Variants in TBC1D19 observed in about 807,000 individuals in gnomAD.
TBC1D19 encodes TBC1 domain family, member 19.
In TBC1D19, 60 loss-of-function variants were observed where a neutral mutation model predicts 89.0. The observed-to-expected ratio is 0.67, with a 90% CI of 0.55 to 0.84. The LOEUF (loss-of-function observed/expected upper bound fraction) is 0.84, where lower values mean the gene tolerates loss of function less well. TBC1D19 is among the 40% of genes least tolerant of loss of function. The pLI is 0.00. For missense variants in TBC1D19, 500 were observed against 610.8 expected (o/e 0.82, Z 1.91); for synonymous variants, 189 against 199.7 (o/e 0.95, Z 0.45).
At chr4:26,842,330 CTTTTCTTTTCTTTTTT>C in the TBC1D19 span, among the ~76,000 whole-genome samples, 113 of 91,612 alleles carry the variant, frequency 1.2e-3, no homozygotes, top group Admixed American at 3.0e-3. Context: ...TTTTTCTTTT[CTTTTCTTTTCTTTTTT>C]TTTTTTTTTT....
the TBC1D19 span, among the ~76,000 whole-genome samples, chr4:26,842,639 T>TCTTTCTTC: frequency 2.7e-4 from 40 of 147,444 alleles, no homozygotes; most frequent in African/African-American, 9.7e-4. Flanking sequence ...TTTCTTTCTT[T>TCTTTCTTC]CTTTCTTTTT....
chr4:26,585,124 T>G, intron 1 of TBC1D19: 1 of 431,566 alleles, frequency 2.3e-6, no homozygotes, highest in South Asian at 1.7e-5. Context: ...CGATTTTGCT[T>G]GGATATTTGT....
chr4:26,657,033 C>CTCCT (rs1440150054), intron 7 of TBC1D19, among the ~76,000 whole-genome samples: 15 of 108,376 alleles, frequency 1.4e-4, no homozygotes, highest in African/African-American at 4.6e-4. Context: ...CCTTCTCCTT[C>CTCCT]TCTCTTTCTT....
intron 1 of TBC1D19, among the ~76,000 whole-genome samples, chr4:26,590,436 A>T (rs1739695756): frequency 6.6e-6 from 1 of 152,186 alleles, no homozygotes; most frequent in Admixed American, 6.5e-5. Flanking sequence ...CACGTTTTAT[A>T]TCAAGGTTAT....
chr4:26,720,172 C>T (rs1016599887), intron 15 of TBC1D19, 47 bp downstream of exon 15: 1 of 1,425,358 alleles, frequency 7.0e-7, no homozygotes, highest in Middle Eastern at 1.9e-4. Context: ...GAAAAAATTA[C>T]AACTTTTATA....
At chr4:26,850,646 C>T in the TBC1D19 span, among the ~76,000 whole-genome samples, 1 of 151,858 alleles carries the variant, frequency 6.6e-6, no homozygotes, top group South Asian at 2.1e-4. Flanking sequence ...CATCTACAAG[C>T]CCAGGAGAGA....
Position 26,584,112 on chromosome 4 carries a change from C to T in TBC1D19, c.-82C>T, listed in dbSNP as rs1739255682. On this transcript the variant is annotated 5_prime_UTR_variant, in exon 1 of 21. Coordinates refer to ENST00000264866, the MANE Select transcript of TBC1D19 (RefSeq NM_018317.4). The stretch of plus-strand genomic sequence containing the variant: ...GTAATAAGGTCCCGGAGAAGTGTCA[C>T]TGGCCCTGAGTGGGACCCGGTAGCC... The T allele has an allele frequency of 7.2e-7, 1 of 1,389,940 alleles. No individual in the cohort carries two copies. Among genetic ancestry groups the T allele is most frequent in the East Asian group, 2.4e-5 (1 of 41,516 alleles). 86.1% of individuals were successfully genotyped at this position (1,389,940 alleles called of 1,614,324 possible).
intron 4 of TBC1D19, among the ~76,000 whole-genome samples, chr4:26,627,797 G>C (rs1447023339): frequency 6.6e-6 from 1 of 152,138 alleles, no homozygotes; most frequent in Admixed American, 6.6e-5. Context: ...CTCTTTGTCA[G>C]ATGAGTAGGT....
the TBC1D19 span, among the ~76,000 whole-genome samples, chr4:26,806,259 A>T: frequency 6.6e-6 from 1 of 152,146 alleles, no homozygotes; most frequent in Admixed American, 6.5e-5. Flanking sequence ...TCCTCAGAAG[A>T]GCCTGCCCTG....
chr4:26,817,631 A>C, the TBC1D19 span, among the ~76,000 whole-genome samples: 1 of 152,052 alleles, frequency 6.6e-6, no homozygotes, highest in African/African-American at 2.4e-5. Flanking sequence ...GCTGAATTTC[A>C]CTCATTTTCT....
intron 4 of TBC1D19, among the ~76,000 whole-genome samples, chr4:26,625,892 A>G (rs1272742069): frequency 6.6e-6 from 1 of 152,104 alleles, no homozygotes; most frequent in Non-Finnish European, 1.5e-5. Flanking sequence ...TGACTGAGGT[A>G]GTATTTGTGA....
At chr4:26,593,167 G>C (rs1200896846) in intron 1 of TBC1D19, among the ~76,000 whole-genome samples, 4 of 151,958 alleles carry the variant, frequency 2.6e-5, no homozygotes, top group East Asian at 3.8e-4. Context: ...CAGAACAGAG[G>C]CCTCAGAAAT....
chr4:26,749,447 TG>T lies in TBC1D19; in HGVS notation c.1435+922del, dbSNP rs1403764459. On this transcript the variant is annotated intron_variant, in intron 19 of 20. Transcript: ENST00000264866. ...AGGTATCATATTAACATATTCGGGT[TG>T]TTTTTTTTTTTTTTTTTTGAGACAC... Among the ~76,000 whole-genome samples, 62 of 66,086 alleles carry T rather than the reference TG, an allele frequency of 9.4e-4. 1 individual carries two copies. Among genetic ancestry groups the T allele is most frequent in the East Asian group, 4.1e-3 (8 of 1,968 alleles). The allele number at this position is 66,086 out of a possible 152,430, so 43.4% of individuals were successfully genotyped here.
At chr4:26,692,645 T>G (rs4352465) in intron 13 of TBC1D19, among the ~76,000 whole-genome samples, 149,058 of 152,272 alleles carry the variant, frequency 0.98, 73,028 homozygotes, top group South Asian at 1. Context: ...ACCTAATGGG[T>G]CTCTGAACAA....
the TBC1D19 span, among the ~76,000 whole-genome samples, chr4:26,834,851 A>T: frequency 6.6e-6 from 1 of 152,118 alleles, no homozygotes; most frequent in African/African-American, 2.4e-5. Flanking sequence ...TCACATTTAG[A>T]TGGTCAAGCA....
At chr4:26,780,096 C>A in the TBC1D19 span, among the ~76,000 whole-genome samples, 1 of 152,188 alleles carries the variant, frequency 6.6e-6, no homozygotes, top group Admixed American at 6.5e-5. Context: ...CAAAAGTTAA[C>A]CTCTACAGAA....
chr4:26,585,433 T>A (rs985149403), intron 1 of TBC1D19, among the ~76,000 whole-genome samples: 6 of 152,186 alleles, frequency 3.9e-5, no homozygotes, highest in Non-Finnish European at 8.8e-5. Context: ...TCTTATGTGC[T>A]TATATCTTTT....
At chr4:26,641,811 C>A (rs931524335) in intron 7 of TBC1D19, among the ~76,000 whole-genome samples, 5 of 151,872 alleles carry the variant, frequency 3.3e-5, no homozygotes, top group Non-Finnish European at 7.4e-5. Context: ...ATTCGATCAA[C>A]TGGAAGAAAG....
At chr4:26,807,596 C>T in the TBC1D19 span, among the ~76,000 whole-genome samples, 2 of 152,192 alleles carry the variant, frequency 1.3e-5, no homozygotes, top group African/African-American at 4.8e-5. Flanking sequence ...AACCGCCCAC[C>T]CCTCAGTGTG....
Sources: allele counts gnomAD v4.1 joint callset (sites outside exome capture counted in the v4.1 genomes callset), GRCh38; gene constraint gnomAD v4.1.1; transcripts MANE v1.5; gene names NCBI Gene and HGNC (gene_info 2026-07-23, HGNC 2026-07-21).